The following VWA8 variants were observed in gnomAD, a reference collection of about 807,000 sequenced individuals.
The protein encoded by VWA8 is von Willebrand factor A domain-containing protein 8.
VWA8 carries 221 observed loss-of-function variants against 241.5 expected under a neutral mutation model. The observed-to-expected ratio is 0.91, with a 90% CI of 0.82 to 1.02. VWA8 has a LOEUF of 1.02. Ranked by LOEUF, VWA8 falls within the 50% of genes least tolerant of loss-of-function variation. The pLI, the probability that VWA8 is intolerant of heterozygous loss-of-function variation, is 0.00. For missense variants in VWA8, 2,322 were observed against 2,328.7 expected (o/e 1.00, Z 0.06); for synonymous variants, 852 against 827.1 (o/e 1.03, Z -0.52).
At chr13:41,897,600 C>T (rs927600310) in intron 4 of VWA8, among the ~76,000 whole-genome samples, 7 of 152,154 alleles carry the variant, frequency 4.6e-5, no homozygotes, top group African/African-American at 1.4e-4. Flanking sequence ...CTTGGTCTCA[C>T]TGACTTCAAG....
chr13:41,634,520 A>G (rs2044745057), intron 37 of VWA8, among the ~76,000 whole-genome samples: 1 of 152,170 alleles, frequency 6.6e-6, no homozygotes, highest in Non-Finnish European at 1.5e-5. Flanking sequence ...TGTAAGAGAA[A>G]CGTTTTAAAT....
intron 3 of VWA8, among the ~76,000 whole-genome samples, chr13:41,909,935 T>G (rs1875913759): frequency 6.6e-6 from 1 of 152,240 alleles, no homozygotes; most frequent in Non-Finnish European, 1.5e-5. Context: ...CCAGATTTTC[T>G]GCCTTTAAAG....
At chr13:41,649,531 G>A (rs1365704496) in intron 37 of VWA8, among the ~76,000 whole-genome samples, 3 of 150,922 alleles carry the variant, frequency 2.0e-5, no homozygotes, top group South Asian at 2.1e-4. Flanking sequence ...GTTTTACTTC[G>A]TGTTTCTTTG....
rs144624557 is a variant in VWA8, at chr13:41,776,917, A to C, written c.2349+1068T>G. Among the ~76,000 whole-genome samples the C allele has an allele frequency of 8.5e-5, 13 of 152,292 alleles. No individual in the cohort carries two copies. The East Asian group carries it at 2.5e-3, about 29-fold the overall frequency. The stretch of plus-strand genomic sequence containing the variant: ...TCAAAATGATAAGTTTGAGAGGCTA[A>C]ATATATAAAGAATATGTATTATTTT... On this transcript the variant is annotated intron_variant, in intron 20 of 44. Transcript: ENST00000379310.
chr13:41,790,786 G>A (rs1394703359), intron 17 of VWA8, among the ~76,000 whole-genome samples: 1 of 151,836 alleles, frequency 6.6e-6, no homozygotes, highest in Non-Finnish European at 1.5e-5. Flanking sequence ...GTTTACAAAT[G>A]TCTAGAAAAT....
Position 41,699,249 on chromosome 13 carries a change from TAG to T in VWA8, c.3384_3385del (p.Tyr1129CysfsTer26), listed in dbSNP as rs1352004738. The T allele has an allele frequency of 6.2e-7, 1 of 1,613,986 alleles. No individual in the cohort carries two copies. Among genetic ancestry groups the T allele is most frequent in the African/African-American group, 1.3e-5 (1 of 74,910 alleles). On this transcript the variant is annotated frameshift_variant, in exon 29 of 45. Transcript: ENST00000379310. LOFTEE classifies it high-confidence loss of function. The stretch of plus-strand genomic sequence containing the variant: ...GGAAGCGGGATTGCATGTAACTACA[TAG>T]AGAGTATTTTGCTCATTTTCTGAAA...
intron 28 of VWA8, among the ~76,000 whole-genome samples, chr13:41,700,783 C>T (rs1313578269): frequency 6.6e-6 from 1 of 152,006 alleles, no homozygotes; most frequent in African/African-American, 2.4e-5. Flanking sequence ...GACAAGATAC[C>T]AATTTTTGTC....
intron 23 of VWA8, 22 bp from the exon 24 acceptor site, chr13:41,727,335 T>C: frequency 7.3e-7 from 1 of 1,371,554 alleles, no homozygotes; most frequent in African/African-American, 1.5e-5. Context: ...AATTTGTTTA[T>C]TCTTTATCAA....
At chr13:41,958,568 C>T (rs1878448605) in intron 1 of VWA8, among the ~76,000 whole-genome samples, 1 of 152,152 alleles carries the variant, frequency 6.6e-6, no homozygotes, top group Non-Finnish European at 1.5e-5. Context: ...TGTAGTTTTA[C>T]ACTTGTCCAT....
intron 27 of VWA8, among the ~76,000 whole-genome samples, chr13:41,703,056 C>A (rs764496399): frequency 6.6e-6 from 1 of 152,122 alleles, no homozygotes; most frequent in Non-Finnish European, 1.5e-5. Context: ...AAGACAAATA[C>A]CACAGAGCAA....
rs1007982249 is a variant in VWA8, at chr13:41,828,028, G to A, written c.1700+2501C>T. Among the ~76,000 whole-genome samples, 4 of 152,104 alleles carry A rather than the reference G, an allele frequency of 2.6e-5. No individual in the cohort carries two copies. In the East Asian group the frequency reaches 7.7e-4, roughly 29 times the overall value. ...CACATGCAAATAATGTGCCAAAGCC[G>A]ACTGCTATTAACCAAAGTTATGATA... On this transcript the variant is annotated intron_variant, in intron 14 of 44. Coordinates refer to ENST00000379310, the MANE Select transcript of VWA8 (RefSeq NM_015058.2).
At chr13:41,609,809 A>G (rs979512417) in intron 39 of VWA8, among the ~76,000 whole-genome samples, 1 of 152,030 alleles carries the variant, frequency 6.6e-6, no homozygotes, top group Admixed American at 6.6e-5. Context: ...TTTTACTTCA[A>G]CTGAGACTCT....
Position 41,699,091 on chromosome 13 carries a change from C to T in VWA8, c.3544G>A (p.Val1182Met). The change falls in exon 29 of 45, where the codon GTG becomes ATG. Residue 1182 changes from valine to methionine, a missense_variant. Physicochemically the swap from Val to Met is conservative, Grantham distance 21 (BLOSUM62 1). Transcript: ENST00000379310. The part of the protein sequence containing the change: ...APLGSPLKGQ[V>M]VLHEQQSNVI... ...ATTACCTGCTGCTCATGGAGAACCA[C>T]TTGACCTTTGAGAGGACTTCCCAGC... 2.5e-6 allele frequency: 4 copies of T among 1,613,980 alleles called. No individual in the cohort carries two copies. Among genetic ancestry groups the T allele is most frequent in the Non-Finnish European group, 3.4e-6 (4 of 1,179,896 alleles).
In VWA8 at chr13:41,733,327, G is replaced by C. The variant is rs542484399; in HGVS notation, c.2427-1172C>G. Among the ~76,000 whole-genome samples the C allele has an allele frequency of 1.5e-3, 229 of 152,266 alleles. 1 individual carries two copies. The highest frequency in any genetic ancestry group is 5.3e-3 in the African/African-American group (222 of 41,542). On this transcript the variant is annotated intron_variant, in intron 21 of 44. Coordinates refer to ENST00000379310, the MANE Select transcript of VWA8 (RefSeq NM_015058.2). ...AATAAAAATCAGCTAATTGCTTTGA[G>C]AGGCAGCTGTGGAGTAGTGCAAAGA...
chr13:41,937,137 G>A (rs1406588430), intron 2 of VWA8, among the ~76,000 whole-genome samples: 2 of 152,160 alleles, frequency 1.3e-5, no homozygotes, highest in East Asian at 1.9e-4. Context: ...TATAGCCTAG[G>A]TGTTTAGTAG....
At chr13:41,639,773 G>A (rs2044783395) in intron 37 of VWA8, among the ~76,000 whole-genome samples, 3 of 152,230 alleles carry the variant, frequency 2.0e-5, no homozygotes, top group South Asian at 4.1e-4. Flanking sequence ...CTTGAGAGTC[G>A]GCGGTGGGAG....
rs116960495 is a variant in VWA8 at position 41,703,975 on chromosome 13, T to C, written c.3117-564A>G. ...GTATTTTTAGTAGAGACGGGGTTTCTCAGGTTGGTCTCGACCTCAGGTGAT... is the reference window on the plus strand; with the variant it reads ...GTATTTTTAGTAGAGACGGGGTTTCCCAGGTTGGTCTCGACCTCAGGTGAT... On this transcript the variant is annotated intron_variant, in intron 26 of 44. Coordinates refer to ENST00000379310, the MANE Select transcript of VWA8 (RefSeq NM_015058.2). Among the ~76,000 whole-genome samples the C allele has an allele frequency of 1.3e-3, 193 of 152,058 alleles. 4 individuals are homozygous for C. The East Asian group carries it at 0.033, about 26-fold the overall frequency.
intron 21 of VWA8, among the ~76,000 whole-genome samples, chr13:41,753,996 T>C (rs2045674566): frequency 1.3e-5 from 2 of 152,152 alleles, no homozygotes; most frequent in Admixed American, 6.6e-5. Context: ...TAAAGCTGTA[T>C]GTAAAATGTT....
intron 35 of VWA8, among the ~76,000 whole-genome samples, chr13:41,676,783 C>G (rs1383955171): frequency 6.6e-6 from 1 of 152,066 alleles, no homozygotes; most frequent in African/African-American, 2.4e-5. Context: ...TAGGCACCCG[C>G]CACCAAACCC....
Sources: gnomAD v4.1 joint callset for allele counts (sites outside exome capture counted in the v4.1 genomes callset) on GRCh38, gnomAD v4.1.1 for gene constraint, MANE v1.5 for transcripts, NCBI Gene and HGNC (gene_info 2026-07-23, HGNC 2026-07-21) for gene names.